Variants in SCRN1 observed in about 807,000 individuals in gnomAD.
The protein encoded by SCRN1 is secernin-1.
Under a neutral mutation model 43.3 loss-of-function variants are expected in SCRN1, and 19 were observed. That is an observed-to-expected ratio of 0.44 (90% CI 0.31 to 0.64). The LOEUF (loss-of-function observed/expected upper bound fraction) is 0.64. SCRN1 is among the 30% of genes least tolerant of loss of function. The probability of loss-of-function intolerance (pLI) is 0.09; values close to 1 mark genes in which losing one functional copy is unlikely to be tolerated. For synonymous variants in SCRN1, 183 were observed against 188.9 expected, an observed-to-expected ratio of 0.97 and a Z score of 0.26; for missense variants, 447 against 524.1, an observed-to-expected ratio of 0.85 and a Z score of 1.44.
intron 1 of SCRN1, among the ~76,000 whole-genome samples, chr7:29,972,332 A>G (rs17158557): frequency 0.023 from 3,496 of 152,340 alleles, 54 homozygotes; most frequent in East Asian, 0.041. Flanking sequence ...GCCTAGGAGC[A>G]GAACCTTACT....
intron 1 of SCRN1, among the ~76,000 whole-genome samples, chr7:29,972,065 A>G (rs1788682896): frequency 6.6e-6 from 1 of 152,222 alleles, no homozygotes; most frequent in Admixed American, 6.5e-5. Context: ...CTTTATCTTC[A>G]GACTGGAGGA....
chr7:29,968,814 T>C, intron 2 of SCRN1, 95 bp downstream of exon 2: 2 of 1,473,080 alleles, frequency 1.4e-6, no homozygotes, highest in African/African-American at 1.4e-5. Context: ...AGCTCTGACT[T>C]GTGAGCAAGC....
At chr7:29,935,746 G>GA (rs1483300858) in intron 6 of SCRN1, among the ~76,000 whole-genome samples, 1 of 152,230 alleles carries the variant, frequency 6.6e-6, no homozygotes, top group Non-Finnish European at 1.5e-5. Context: ...TGTTCCTGGG[G>GA]AGAGGGGCTG....
At chr7:29,975,274 A>C (rs1788780789) in intron 1 of SCRN1, among the ~76,000 whole-genome samples, 1 of 152,226 alleles carries the variant, frequency 6.6e-6, no homozygotes, top group Non-Finnish European at 1.5e-5. Flanking sequence ...GGGTGTTAAA[A>C]TCAGTGAACA....
intron 5 of SCRN1, among the ~76,000 whole-genome samples, chr7:29,938,977 G>A (rs1787436994): frequency 6.6e-6 from 1 of 152,040 alleles, no homozygotes; most frequent in Non-Finnish European, 1.5e-5. Flanking sequence ...TGTATTTTCT[G>A]TAAATTAGTA....
intron 6 of SCRN1, among the ~76,000 whole-genome samples, chr7:29,931,590 A>C (rs1787155597): frequency 6.6e-6 from 1 of 152,214 alleles, no homozygotes; most frequent in Non-Finnish European, 1.5e-5. Context: ...CTGCAGAAAA[A>C]TAAAATACTT....
In SCRN1 at chr7:29,926,768, T is replaced by A; in HGVS notation, c.906-136A>T. On this transcript the variant is annotated intron_variant, in intron 6 of 7. Coordinates refer to ENST00000242059, the MANE Select transcript of SCRN1 (RefSeq NM_014766.5). ...TGGGTGTGGGTGACGGGTGGGTGGGTGAGTGCCAAGAGAGACATAACTGCA... is the reference window on the plus strand; with the variant it reads ...TGGGTGTGGGTGACGGGTGGGTGGGAGAGTGCCAAGAGAGACATAACTGCA... The A allele has an allele frequency of 1.1e-5, 7 of 665,430 alleles. No individual in the cohort carries two copies. In the East Asian group the frequency reaches 1.1e-4, roughly 11 times the overall value. The allele number at this position is 665,430 out of a possible 1,614,324, so 41.2% of individuals were successfully genotyped here.
Position 29,966,165 on chromosome 7 carries a change from G to GAGAGAA in SCRN1, c.159+2743_159+2744insTTCTCT, listed in dbSNP as rs1249442097. Reference sequence around the variant, plus strand: ...AGAGAGAGAGACCGAGAGACAGAGAGAGAGAGAGAGAGAGAGAGAGAGAGA... The same window carrying GAGAGAA: ...AGAGAGAGAGACCGAGAGACAGAGAGAGAGAAAGAGAGAGAGAGAGAGAGAGAGAGA... On this transcript the variant is annotated intron_variant, in intron 2 of 7. Transcript: ENST00000242059. Among the ~76,000 whole-genome samples, 82 of 139,930 alleles carry GAGAGAA rather than the reference G, an allele frequency of 5.9e-4. 1 individual carries two copies. Among genetic ancestry groups the GAGAGAA allele is most frequent in the Middle Eastern group, 3.9e-3 (1 of 258 alleles). The allele number at this position is 139,930 out of a possible 152,430, so 91.8% of individuals were successfully genotyped here.
intron 1 of SCRN1, among the ~76,000 whole-genome samples, chr7:29,979,314 G>T (rs2127930379): frequency 6.6e-6 from 1 of 152,206 alleles, no homozygotes; most frequent in South Asian, 2.1e-4. Flanking sequence ...AGTGAGCCGA[G>T]ATCACGCCAC....
chr7:29,928,988 G>C (rs1236190038), intron 6 of SCRN1, among the ~76,000 whole-genome samples: 1 of 152,206 alleles, frequency 6.6e-6, no homozygotes, highest in East Asian at 1.9e-4. Context: ...CCAGGAGAGA[G>C]CACGCCTAGC....
chr7:29,973,238 C>T (rs941579750), intron 1 of SCRN1, among the ~76,000 whole-genome samples: 2 of 152,190 alleles, frequency 1.3e-5, no homozygotes, highest in African/African-American at 2.4e-5. Flanking sequence ...TCTCTTGGTG[C>T]GAATCTCATA....
At chr7:29,969,608 C>G (rs1023788395) in intron 1 of SCRN1, among the ~76,000 whole-genome samples, 1 of 152,142 alleles carries the variant, frequency 6.6e-6, no homozygotes, top group Non-Finnish European at 1.5e-5. Flanking sequence ...ACTCAAACAC[C>G]TTTTGGTTTT....
intron 5 of SCRN1, 67 bp downstream of exon 5, chr7:29,940,615 A>C (rs1355213254): frequency 1.4e-6 from 2 of 1,439,432 alleles, no homozygotes; most frequent in East Asian, 5.0e-5. Flanking sequence ...AGTTCAGACA[A>C]GTTCTCAGAA....
intron 4 of SCRN1, among the ~76,000 whole-genome samples, chr7:29,942,517 T>C (rs777562938): frequency 7.9e-5 from 12 of 152,240 alleles, no homozygotes; most frequent in Non-Finnish European, 1.8e-4. Flanking sequence ...CTTTGAAGCA[T>C]GGATTACTAG....
intron 1 of SCRN1, among the ~76,000 whole-genome samples, chr7:29,975,805 CTAATT>C (rs1425549000): frequency 1.3e-5 from 2 of 152,234 alleles, no homozygotes; most frequent in African/African-American, 4.8e-5. Context: ...ATGAAACACT[CTAATT>C]TAACTCCCAT....
chr7:29,930,894 A>G (rs1376056125), intron 6 of SCRN1, among the ~76,000 whole-genome samples: 1 of 152,232 alleles, frequency 6.6e-6, no homozygotes, highest in African/African-American at 2.4e-5. Context: ...GGACCTTGTG[A>G]GGGACAGTTA....
At chr7:29,970,648 T>C (rs546052664) in intron 1 of SCRN1, among the ~76,000 whole-genome samples, 14 of 152,206 alleles carry the variant, frequency 9.2e-5, no homozygotes, top group Non-Finnish European at 1.8e-4. Context: ...CACTATGTCT[T>C]ATGCAGAGTA....
rs2128092266 is a variant in SCRN1, at chr7:29,948,704, G to C, written c.342-4525C>G. Among the ~76,000 whole-genome samples the C allele has an allele frequency of 3.3e-5, 5 of 152,340 alleles. No individual in the cohort carries two copies. In the South Asian group the frequency reaches 1.0e-3, roughly 32 times the overall value. ...AAAAGAATAAAGTAGTTATGCAAAG[G>C]GAAGAAGAGGCAAGAAACACTGAAA... On this transcript the variant is annotated intron_variant, in intron 3 of 7. Transcript: ENST00000242059.
chr7:29,930,163 A>C (rs1450331381), intron 6 of SCRN1, among the ~76,000 whole-genome samples: 1 of 152,218 alleles, frequency 6.6e-6, no homozygotes, highest in Non-Finnish European at 1.5e-5. Flanking sequence ...TTGAGATTGA[A>C]TAAATTATAT....
Sources: allele counts gnomAD v4.1 joint callset (sites outside exome capture counted in the v4.1 genomes callset), GRCh38; gene constraint gnomAD v4.1.1; transcripts MANE v1.5; gene names NCBI Gene and HGNC (gene_info 2026-07-23, HGNC 2026-07-21).